ZNF536: variants seen among roughly 807,000 people sequenced by gnomAD.
ZNF536 encodes zinc finger protein 536.
ZNF536 carries 13 observed loss-of-function variants against 84.5 expected under a neutral mutation model. The ratio of observed to expected loss-of-function variants is 0.15; its 90% CI spans 0.10 to 0.24. ZNF536 has a LOEUF of 0.24. Ranked by LOEUF, ZNF536 falls within the 10% of genes least tolerant of loss-of-function variation. ZNF536 has a pLI of 1.00. For missense variants in ZNF536, 1,536 were observed against 1,747.5 expected, an observed-to-expected ratio of 0.88 and a Z score of 2.16; for synonymous variants, 811 against 742.5, an observed-to-expected ratio of 1.09 and a Z score of -1.50.
At chr19:30,566,193 G>A (rs1010956106) in intron 1 of ZNF536, among the ~76,000 whole-genome samples, 1 of 152,118 alleles carries the variant, frequency 6.6e-6, no homozygotes, top group African/African-American at 2.4e-5. Flanking sequence ...TGTCTATGAG[G>A]GGTCACCCAG....
At chr19:30,607,291 A>C (rs1318714231) in intron 1 of ZNF536, among the ~76,000 whole-genome samples, 1 of 152,006 alleles carries the variant, frequency 6.6e-6, no homozygotes, top group African/African-American at 2.4e-5. Flanking sequence ...AGAGTTTTTT[A>C]CTGGTGTAAA....
chr19:30,259,343 T>A (rs577966866), intron 1 of ZNF536, among the ~76,000 whole-genome samples: 6 of 152,326 alleles, frequency 3.9e-5, no homozygotes, highest in Middle Eastern at 3.4e-3. Context: ...ATGGTTACCA[T>A]CTTTCCCTTA....
chr19:30,359,687 A>G (rs1002277143), intron 3 of ZNF536, among the ~76,000 whole-genome samples: 4 of 151,628 alleles, frequency 2.6e-5, no homozygotes, highest in African/African-American at 9.8e-5. Flanking sequence ...GGGCAGTTGG[A>G]CGACCCCTCC....
At chr19:30,269,011 G>C (rs1223472703) in intron 1 of ZNF536, among the ~76,000 whole-genome samples, 1 of 152,220 alleles carries the variant, frequency 6.6e-6, no homozygotes, top group Non-Finnish European at 1.5e-5. Context: ...AACAACTAGT[G>C]ATACAATGCA....
intron 1 of ZNF536, among the ~76,000 whole-genome samples, chr19:30,265,053 C>T (rs544068842): frequency 2.0e-5 from 3 of 152,132 alleles, no homozygotes; most frequent in Admixed American, 2.0e-4. Context: ...CAGTTTGTCA[C>T]AGAGCTCTGC....
Position 30,445,377 on chromosome 19 carries a change from G to A in ZNF536, c.1815G>A (p.Arg605=), listed in dbSNP as rs2148222193. The change falls in exon 2 of 5, where the codon CGG becomes CGA. Residue 605 remains arginine (R), a synonymous_variant. Coordinates refer to ENST00000355537, the MANE Select transcript of ZNF536 (RefSeq NM_014717.3). The surrounding 1 kb of genome is among the most constrained non-coding windows in gnomAD (Gnocchi z 4.5). The stretch of plus-strand genomic sequence containing the variant: ...AGCTCGACCCTTTAGAAAGCAGTCG[G>A]GATTTTTTGTCACACGGGCTGAACC... The part of the protein sequence containing the change: ...PSKLDPLESS[R]DFLSHGLNQT... 1 of 1,614,174 alleles carries A rather than the reference G, an allele frequency of 6.2e-7. No homozygotes were observed. The highest frequency in any genetic ancestry group is 8.5e-7 in the Non-Finnish European group (1 of 1,180,028).
chr19:30,289,901 A>G (rs1035184618), intron 2 of ZNF536, among the ~76,000 whole-genome samples: 7 of 152,174 alleles, frequency 4.6e-5, no homozygotes, highest in Non-Finnish European at 7.4e-5. Flanking sequence ...AAAACTTACT[A>G]TCTTGACCAT....
intron 1 of ZNF536, among the ~76,000 whole-genome samples, chr19:30,253,726 G>T (rs1308219339): frequency 2.0e-5 from 3 of 152,092 alleles, no homozygotes; most frequent in African/African-American, 7.2e-5. Flanking sequence ...GGGGACATGT[G>T]GGGTGGCGCC....
Position 30,445,147 on chromosome 19 carries a change from A to G in ZNF536, c.1585A>G (p.Arg529Gly), listed in dbSNP as rs2052259691. 7.4e-6 allele frequency: 12 copies of G among 1,614,054 alleles called. No homozygotes were observed. The highest frequency in any genetic ancestry group is 8.5e-6 in the Non-Finnish European group (10 of 1,180,028). ...CTACCAGGCTTGGCAGCTCATGGCCAGGGGCATGGCCATGGAACATGGCTT... is the reference window on the plus strand; with the variant it reads ...CTACCAGGCTTGGCAGCTCATGGCCGGGGGCATGGCCATGGAACATGGCTT... The part of the protein sequence containing the change: ...NSYQAWQLMA[R>G]GMAMEHGFLS... Residue 529 changes from arginine to glycine, a missense_variant, in exon 2 of 5, where the codon AGG becomes GGG. By Grantham distance (125) the Arg-to-Gly change is moderately radical (BLOSUM62 -2). This residue lies in a region of ZNF536 where 366 missense variants were observed against 364.4 expected (regional missense o/e 1.00). Transcript: ENST00000355537. The surrounding 1 kb of genome is among the most constrained non-coding windows in gnomAD (Gnocchi z 4.5).
intron 1 of ZNF536, among the ~76,000 whole-genome samples, chr19:30,441,055 A>G (rs1406953169): frequency 1.3e-5 from 2 of 152,214 alleles, no homozygotes; most frequent in African/African-American, 4.8e-5. Context: ...GTTGGGGGAC[A>G]TGGTCTTCAA....
chr19:30,679,331 G>A (rs562589191), intron 1 of ZNF536, among the ~76,000 whole-genome samples: 3 of 152,238 alleles, frequency 2.0e-5, no homozygotes, highest in Non-Finnish European at 4.4e-5. Context: ...AGATGATGGA[G>A]GTGAGGCCCT....
intron 2 of ZNF536, among the ~76,000 whole-genome samples, chr19:30,295,820 A>G (rs2045978945): frequency 6.6e-6 from 1 of 152,236 alleles, no homozygotes; most frequent in African/African-American, 2.4e-5. Flanking sequence ...TCATTCTTTA[A>G]TTGAGGGGCA....
At chr19:30,538,579 G>C (rs2045189450) in intron 3 of ZNF536, among the ~76,000 whole-genome samples, 1 of 152,160 alleles carries the variant, frequency 6.6e-6, no homozygotes, top group Non-Finnish European at 1.5e-5. Flanking sequence ...GGGTCACTAG[G>C]ATGTTTCTGA....
intron 2 of ZNF536, among the ~76,000 whole-genome samples, chr19:30,525,898 G>A (rs1251666528): frequency 2.0e-5 from 3 of 152,138 alleles, no homozygotes; most frequent in African/African-American, 7.2e-5. Context: ...AGGCCACCTG[G>A]ACATATTGAG....
intron 1 of ZNF536, among the ~76,000 whole-genome samples, chr19:30,231,911 C>G (rs1350033500): frequency 1.3e-5 from 2 of 152,016 alleles, no homozygotes; most frequent in African/African-American, 4.8e-5. Flanking sequence ...TTGTACTATC[C>G]AGGATAGACT....
chr19:30,426,944 T>C (rs2051240783), intron 1 of ZNF536, among the ~76,000 whole-genome samples: 1 of 152,208 alleles, frequency 6.6e-6, no homozygotes, highest in South Asian at 2.1e-4. Context: ...CCCACTCATC[T>C]ATCTATCTGC....
At chr19:30,482,634 G>A (rs1293045664) in intron 2 of ZNF536, among the ~76,000 whole-genome samples, 4 of 151,430 alleles carry the variant, frequency 2.6e-5, no homozygotes, top group Non-Finnish European at 4.4e-5. Flanking sequence ...TATTCTCTAC[G>A]GTCTGGAAAA....
chr19:30,676,901 T>G (rs1273450360), intron 1 of ZNF536, among the ~76,000 whole-genome samples: 2 of 152,202 alleles, frequency 1.3e-5, no homozygotes, highest in Non-Finnish European at 2.9e-5. Context: ...AAATGGAGTC[T>G]TGCTATGTTG....
At chr19:30,447,189 T>G (rs1191678765) in intron 2 of ZNF536, among the ~76,000 whole-genome samples, 1 of 152,124 alleles carries the variant, frequency 6.6e-6, no homozygotes, top group African/African-American at 2.4e-5. Flanking sequence ...AAGTTTTTTC[T>G]TCTTTCTTGA....
Sources: allele counts gnomAD v4.1 joint callset (sites outside exome capture counted in the v4.1 genomes callset), GRCh38; gene constraint gnomAD v4.1.1; regional missense constraint gnomAD v4.1.1; non-coding constraint Gnocchi (gnomAD v3.1); transcripts MANE v1.5; gene names NCBI Gene and HGNC (gene_info 2026-07-23, HGNC 2026-07-21).